Variants in CRIM1 observed in about 807,000 individuals in gnomAD.
The protein encoded by CRIM1 is cysteine rich transmembrane BMP regulator 1.
CRIM1 carries 32 observed loss-of-function variants against 116.4 expected under a neutral mutation model. The ratio of observed to expected loss-of-function variants is 0.27; its 90% CI spans 0.21 to 0.37. The LOEUF (loss-of-function observed/expected upper bound fraction) is 0.37, where lower values mean the gene tolerates loss of function less well. CRIM1 is among the 10% of genes least tolerant of loss of function. The pLI, the probability that CRIM1 is intolerant of heterozygous loss-of-function variation, is 1.00. For missense variants in CRIM1, 1,331 were observed against 1,354.8 expected (o/e 0.98, Z 0.28); for synonymous variants, 590 against 509.2 (o/e 1.16, Z -2.13).
rs917933045 is a variant in CRIM1 at position 36,550,596 on chromosome 2, A to ATT, written c.*1901_*1902dup. ...TAATTTATTAATCTGAAGATTAACCATTTTTTTGTCTTAGAATATCAAAAA... is the reference window on the plus strand; with the variant it reads ...TAATTTATTAATCTGAAGATTAACCATTTTTTTTTGTCTTAGAATATCAAAAA... On this transcript the variant is annotated 3_prime_UTR_variant, in exon 17 of 17. Transcript: ENST00000280527. The ATT allele has an allele frequency of 1.3e-5, 2 of 152,368 alleles. No homozygotes were observed. Among genetic ancestry groups the ATT allele is most frequent in the Admixed American group, 1.3e-4 (2 of 15,270 alleles). 9.4% of individuals were successfully genotyped at this position (152,368 alleles called of 1,614,324 possible). A position where few individuals can be genotyped will look rare whatever the true frequency, so the allele number is the denominator to read the frequency against.
intron 3 of CRIM1, among the ~76,000 whole-genome samples, chr2:36,442,016 A>G (rs1675869696): frequency 6.6e-6 from 1 of 152,188 alleles, no homozygotes; most frequent in Non-Finnish European, 1.5e-5. Context: ...TCTTTACTTT[A>G]TAGCATGTGC....
chr2:36,521,923 T>A (rs1228311363), intron 12 of CRIM1, among the ~76,000 whole-genome samples, 169 bp from the exon 13 acceptor site: 3 of 152,224 alleles, frequency 2.0e-5, no homozygotes, highest in African/African-American at 7.2e-5. Context: ...GTTATTTTGT[T>A]TAAAAATTTA....
intron 8 of CRIM1, among the ~76,000 whole-genome samples, chr2:36,503,991 C>T (rs1162471832): frequency 6.6e-6 from 1 of 152,122 alleles, no homozygotes; most frequent in East Asian, 1.9e-4. Flanking sequence ...CCACCTGAGC[C>T]TCCCAAGTAA....
intron 1 of CRIM1, among the ~76,000 whole-genome samples, chr2:36,387,334 T>C (rs1380776559): frequency 6.6e-6 from 1 of 152,206 alleles, no homozygotes; most frequent in Non-Finnish European, 1.5e-5. Context: ...CAACCAAGAT[T>C]TATTAATTTT....
At chr2:36,497,345 GCT>G (rs1160164362) in intron 7 of CRIM1, among the ~76,000 whole-genome samples, 12 of 152,182 alleles carry the variant, frequency 7.9e-5, no homozygotes, top group African/African-American at 2.9e-4. Flanking sequence ...TGCCTTCTAC[GCT>G]CTCTCATATT....
intron 2 of CRIM1, among the ~76,000 whole-genome samples, chr2:36,421,533 A>G (rs1353221322): frequency 1.3e-5 from 2 of 152,196 alleles, no homozygotes; most frequent in Non-Finnish European, 2.9e-5. Context: ...TAGCATTAAC[A>G]TTTCAGTGGA....
chr2:36,413,749 G>C (rs1673389051), intron 2 of CRIM1, among the ~76,000 whole-genome samples: 1 of 152,140 alleles, frequency 6.6e-6, no homozygotes, highest in Admixed American at 6.5e-5. Context: ...ATTTTCATCT[G>C]AATTTTCAGC....
intron 4 of CRIM1, among the ~76,000 whole-genome samples, chr2:36,443,579 A>G (rs901798249): frequency 6.6e-6 from 1 of 152,194 alleles, no homozygotes; most frequent in African/African-American, 2.4e-5. Flanking sequence ...GGATGAGTTA[A>G]AACTGTGCCT....
At chr2:36,545,566 T>G (rs1223479453) in intron 15 of CRIM1, among the ~76,000 whole-genome samples, 4 of 152,186 alleles carry the variant, frequency 2.6e-5, no homozygotes, top group Non-Finnish European at 5.9e-5. Context: ...GCAACTGATT[T>G]GTTTTAACCT....
At chr2:36,428,638 T>C (rs755470576) in intron 2 of CRIM1, among the ~76,000 whole-genome samples, 56 of 152,258 alleles carry the variant, frequency 3.7e-4, no homozygotes, top group Non-Finnish European at 7.5e-4. Flanking sequence ...TGGTTAAATA[T>C]TCCTGGAGTT....
At chr2:36,398,722 C>G (rs991843647) in intron 2 of CRIM1, among the ~76,000 whole-genome samples, 1 of 152,130 alleles carries the variant, frequency 6.6e-6, no homozygotes, top group African/African-American at 2.4e-5. Flanking sequence ...CTTTGTTATT[C>G]AAAATAAAGT....
chr2:36,393,811 A>C (rs1447115852), intron 1 of CRIM1, among the ~76,000 whole-genome samples: 1 of 152,226 alleles, frequency 6.6e-6, no homozygotes, highest in African/African-American at 2.4e-5. Flanking sequence ...TAAGAGCCTC[A>C]AGTGTGCCTA....
intron 16 of CRIM1, among the ~76,000 whole-genome samples, chr2:36,548,030 C>A (rs1034731694): frequency 1.3e-5 from 2 of 152,196 alleles, no homozygotes; most frequent in Admixed American, 6.5e-5. Flanking sequence ...TTGGGCACAG[C>A]CTCTGTGCTG....
chr2:36,544,603 GAAGTA>G, intron 15 of CRIM1, 105 bp downstream of exon 15: 1 of 1,178,072 alleles, frequency 8.5e-7, no homozygotes, highest in Non-Finnish European at 1.1e-6. Flanking sequence ...ATGACTTGCT[GAAGTA>G]AATTCAAATA....
At chr2:36,548,398 TA>T (rs1667506878) in intron 16 of CRIM1, 126 bp from the exon 17 acceptor site, 1 of 591,052 alleles carries the variant, frequency 1.7e-6, no homozygotes, top group Admixed American at 3.6e-5. Flanking sequence ...ATAATCTGCA[TA>T]CAGGCTATCA....
At chr2:36,531,744 C>T in intron 13 of CRIM1, 1 of 355,908 alleles carries the variant, frequency 2.8e-6, no homozygotes, top group Non-Finnish European at 5.6e-6. Context: ...GTGATATGAA[C>T]CAGAATTGAG....
intron 2 of CRIM1, among the ~76,000 whole-genome samples, chr2:36,403,053 G>A (rs1326541327): frequency 6.6e-6 from 1 of 152,140 alleles, no homozygotes; most frequent in African/African-American, 2.4e-5. Flanking sequence ...AACCTCATCA[G>A]GAGTTTGTAT....
rs142969097 is a variant in CRIM1 at position 36,406,815 on chromosome 2, G to A, written c.505+10028G>A. On this transcript the variant is annotated intron_variant, in intron 2 of 16. Coordinates refer to ENST00000280527, the MANE Select transcript of CRIM1 (RefSeq NM_016441.3). ...CTCATCATAGATTCTAGTTTTCTTA[G>A]GCTAGTTACATCTGAAAGTGGTATT... 2.0e-5 allele frequency among the ~76,000 whole-genome samples: 3 copies of A among 152,200 alleles called. No homozygotes were observed. The East Asian group carries it at 5.8e-4, about 29-fold the overall frequency.
intron 7 of CRIM1, among the ~76,000 whole-genome samples, chr2:36,491,697 C>T (rs1247866867): frequency 6.6e-6 from 1 of 152,150 alleles, no homozygotes; most frequent in African/African-American, 2.4e-5. Flanking sequence ...CGTGCAGACC[C>T]TTCCTCCCTG....
Sources: allele counts gnomAD v4.1 joint callset (sites outside exome capture counted in the v4.1 genomes callset), GRCh38; gene constraint gnomAD v4.1.1; transcripts MANE v1.5; gene names NCBI Gene and HGNC (gene_info 2026-07-23, HGNC 2026-07-21).